The following SRPK2 variants were observed in gnomAD, a reference collection of about 807,000 sequenced individuals.
The protein encoded by SRPK2 is SRSF protein kinase 2, also known as SFRS protein kinase 2.
Under a neutral mutation model 90.8 loss-of-function variants are expected in SRPK2, and 21 were observed. The observed-to-expected ratio is 0.23, with a 90% CI of 0.16 to 0.33. SRPK2 has a LOEUF of 0.33. Among genes scored for constraint, SRPK2 ranks in the 10% least tolerant of loss-of-function variants. SRPK2 has a pLI of 1.00. For synonymous variants in SRPK2, 288 were observed against 311.1 expected (o/e 0.93, Z 0.78); for missense variants, 620 against 869.0 (o/e 0.71, Z 3.60).
At chr7:105,377,705 A>C (rs1307421002) in intron 2 of SRPK2, among the ~76,000 whole-genome samples, 1 of 152,168 alleles carries the variant, frequency 6.6e-6, no homozygotes, top group Non-Finnish European at 1.5e-5. Flanking sequence ...GTATCAAAAA[A>C]AAGAAGAAAA....
intron 7 of SRPK2, among the ~76,000 whole-genome samples, chr7:105,149,016 C>G (rs1228351188): frequency 6.6e-6 from 1 of 152,192 alleles, no homozygotes; most frequent in Non-Finnish European, 1.5e-5. Context: ...AGGTTTCTCC[C>G]CATGTGATAG....
intron 2 of SRPK2, among the ~76,000 whole-genome samples, chr7:105,318,290 T>C (rs1812536756): frequency 6.6e-6 from 1 of 152,066 alleles, no homozygotes; most frequent in African/African-American, 2.4e-5. Flanking sequence ...AGGCAGGGTT[T>C]CAGCATGTTG....
intron 2 of SRPK2, among the ~76,000 whole-genome samples, chr7:105,265,567 C>T (rs1490680786): frequency 1.3e-5 from 2 of 151,984 alleles, no homozygotes; most frequent in African/African-American, 4.8e-5. Flanking sequence ...CCCATAAATC[C>T]CAGAAGTGCT....
At chr7:105,366,964 C>T (rs907500873) in intron 2 of SRPK2, among the ~76,000 whole-genome samples, 1 of 152,144 alleles carries the variant, frequency 6.6e-6, no homozygotes, top group Non-Finnish European at 1.5e-5. Flanking sequence ...TCCAGTATCA[C>T]TAGTGTCACT....
chr7:105,176,799 T>C (rs1048543972), intron 3 of SRPK2, among the ~76,000 whole-genome samples: 2 of 151,772 alleles, frequency 1.3e-5, no homozygotes, highest in Non-Finnish European at 2.9e-5. Context: ...CACGCCTGGC[T>C]AATTTTTGTA....
At chr7:105,203,284 T>C (rs770610343) in intron 3 of SRPK2, among the ~76,000 whole-genome samples, 53 of 152,166 alleles carry the variant, frequency 3.5e-4, no homozygotes, top group Non-Finnish European at 6.2e-4. Context: ...GCCACCGCAC[T>C]GGCCCAGTGC....
intron 7 of SRPK2, among the ~76,000 whole-genome samples, chr7:105,158,485 C>T (rs1380366310): frequency 6.6e-6 from 1 of 152,098 alleles, no homozygotes; most frequent in Non-Finnish European, 1.5e-5. Context: ...AATCTCCTGA[C>T]CTCGTGATCC....
chr7:105,334,811 G>C (rs550523453), intron 2 of SRPK2, among the ~76,000 whole-genome samples: 77 of 142,792 alleles, frequency 5.4e-4, no homozygotes, highest in Non-Finnish European at 4.2e-4. Flanking sequence ...CTGCACTCCA[G>C]CCTTCCAGCC....
intron 2 of SRPK2, among the ~76,000 whole-genome samples, chr7:105,276,778 G>C (rs890096255): frequency 4.6e-5 from 7 of 152,056 alleles, no homozygotes; most frequent in African/African-American, 7.2e-5. Context: ...TGCCTGAAAT[G>C]ACAGGGAATA....
chr7:105,176,766 TG>T (rs1346607536), intron 3 of SRPK2, among the ~76,000 whole-genome samples: 1 of 151,540 alleles, frequency 6.6e-6, no homozygotes, highest in African/African-American at 2.4e-5. Context: ...TGTGTGTGTG[TG>T]TGTGTGTATA....
At chr7:105,241,278 T>C (rs1020651364) in intron 2 of SRPK2, among the ~76,000 whole-genome samples, 1 of 152,200 alleles carries the variant, frequency 6.6e-6, no homozygotes, top group Non-Finnish European at 1.5e-5. Context: ...TAAACAGTTA[T>C]GTACATTATT....
At chr7:105,226,366 CAA>C (rs1798711821) in intron 2 of SRPK2, among the ~76,000 whole-genome samples, 1 of 152,020 alleles carries the variant, frequency 6.6e-6, no homozygotes, top group Non-Finnish European at 1.5e-5. Context: ...TTCAGCTCAC[CAA>C]AACCTCCACC....
At chr7:105,270,646 TG>T (rs1418486945) in intron 2 of SRPK2, among the ~76,000 whole-genome samples, 1 of 151,896 alleles carries the variant, frequency 6.6e-6, no homozygotes, top group Admixed American at 6.6e-5. Context: ...TGACCTCAGA[TG>T]ATGCGCCCAC....
intron 2 of SRPK2, chr7:105,306,178 A>G (rs932558835): frequency 5.8e-5 from 10 of 171,026 alleles, no homozygotes; most frequent in African/African-American, 2.4e-4. Flanking sequence ...TTTTGAAGCC[A>G]TGAGTAACAA....
At chr7:105,296,914 G>C (rs1809893507) in intron 2 of SRPK2, among the ~76,000 whole-genome samples, 2 of 152,142 alleles carry the variant, frequency 1.3e-5, no homozygotes, top group South Asian at 4.1e-4. Flanking sequence ...GCTAGCAAAT[G>C]GTAAAGCTGG....
intron 2 of SRPK2, among the ~76,000 whole-genome samples, chr7:105,238,974 G>A (rs376258108): frequency 4.6e-5 from 7 of 152,112 alleles, no homozygotes; most frequent in East Asian, 1.9e-4. Context: ...TCATTAGGCC[G>A]GGGCAGCCAG....
intron 2 of SRPK2, among the ~76,000 whole-genome samples, chr7:105,365,084 C>T (rs1398350620): frequency 1.3e-5 from 2 of 152,134 alleles, no homozygotes; most frequent in Non-Finnish European, 2.9e-5. Context: ...CCATCCCTTC[C>T]TGCCTTAAAT....
intron 2 of SRPK2, among the ~76,000 whole-genome samples, chr7:105,281,172 C>T (rs1807283322): frequency 6.6e-6 from 1 of 151,668 alleles, no homozygotes; most frequent in Non-Finnish European, 1.5e-5. Flanking sequence ...TCTCAGCTCA[C>T]TGCAACCTCC....
Position 105,366,262 on chromosome 7 carries a change from T to C in SRPK2, c.71+22386A>G, listed in dbSNP as rs139750505. Reference sequence around the variant, plus strand: ...CCTCTAAAATTATCAAACCATCTTTTGCTGGAATTAAATTCTATAGCTTTA... The same window carrying C: ...CCTCTAAAATTATCAAACCATCTTTCGCTGGAATTAAATTCTATAGCTTTA... On this transcript the variant is annotated intron_variant, in intron 2 of 15. Transcript: ENST00000393651. Among the ~76,000 whole-genome samples, 256 of 152,258 alleles carry C rather than the reference T, an allele frequency of 1.7e-3. 1 individual carries two copies. The highest frequency in any genetic ancestry group is 5.9e-3 in the African/African-American group (246 of 41,576).
Sources: gnomAD v4.1 joint callset for allele counts (sites outside exome capture counted in the v4.1 genomes callset) on GRCh38, gnomAD v4.1.1 for gene constraint, MANE v1.5 for transcripts, NCBI Gene and HGNC (gene_info 2026-07-23, HGNC 2026-07-21) for gene names.